GZMA: variants seen among roughly 807,000 people sequenced by gnomAD.
The protein encoded by GZMA is CTL tryptase.
Under a neutral mutation model 21.1 loss-of-function variants are expected in GZMA, and 17 were observed. That is an observed-to-expected ratio of 0.81 (90% CI 0.55 to 1.21). The LOEUF (loss-of-function observed/expected upper bound fraction) is 1.21, where lower values mean the gene tolerates loss of function less well. GZMA is among the 50% of genes most tolerant of loss of function. GZMA has a pLI of 0.00. For synonymous variants in GZMA, 90 were observed against 107.8 expected, an observed-to-expected ratio of 0.83 and a Z score of 1.03; for missense variants, 306 against 315.9, an observed-to-expected ratio of 0.97 and a Z score of 0.24.
rs374808018 is a variant in GZMA at position 55,110,096 on chromosome 5, G to A, written c.703G>A (p.Gly235Arg). 1.1e-5 allele frequency: 18 copies of A among 1,611,842 alleles called. No homozygotes were observed. The highest frequency in any genetic ancestry group is 9.4e-5 in the African/African-American group (7 of 74,750). ...VTSFGLENKC[G>R]DPRGPGVYIL... is the part of the protein sequence containing the mutation. ...TTCCTTTGGCCTTGAAAATAAATGC[G>A]GAGACCCTCGTGGGCCTGGTGTCTA... Residue 235 changes from glycine to arginine, a missense_variant, in exon 5 of 5, where the codon GGA (glycine) becomes AGA (arginine). Transcript: ENST00000274306.
At chr5:55,105,282 G>A (rs919409440) in intron 1 of GZMA, among the ~76,000 whole-genome samples, 192 bp from the exon 2 acceptor site, 15 of 152,200 alleles carry the variant, frequency 9.9e-5, no homozygotes, top group Non-Finnish European at 2.2e-4. Context: ...GGAAAAACAG[G>A]ACCCTAGAGT....
intron 1 of GZMA, among the ~76,000 whole-genome samples, chr5:55,103,789 C>A (rs546396178): frequency 7.1e-4 from 108 of 152,162 alleles, no homozygotes; most frequent in African/African-American, 2.4e-3. Flanking sequence ...GGGTGTTTCA[C>A]AAGGTCAAGA....
At chr5:55,103,897 G>A (rs200806032) in intron 1 of GZMA, among the ~76,000 whole-genome samples, 5 of 151,870 alleles carry the variant, frequency 3.3e-5, no homozygotes, top group Admixed American at 6.6e-5. Flanking sequence ...TCCCAGCTAC[G>A]CAGGAGGCTG....
intron 4 of GZMA, among the ~76,000 whole-genome samples, chr5:55,109,811 G>A (rs1033003180): frequency 2.0e-4 from 31 of 152,168 alleles, no homozygotes; most frequent in Admixed American, 1.6e-3. Flanking sequence ...GTTTCACTTC[G>A]ATTTTCACTG....
intron 1 of GZMA, 69 bp downstream of exon 1, chr5:55,102,821 T>C: frequency 1.0e-6 from 1 of 966,714 alleles, no homozygotes; most frequent in Non-Finnish European, 1.7e-6. Context: ...AATGAACTTT[T>C]GGCAATATTA....
At chr5:55,103,197 T>C (rs1742333380) in intron 1 of GZMA, among the ~76,000 whole-genome samples, 1 of 152,150 alleles carries the variant, frequency 6.6e-6, no homozygotes, top group African/African-American at 2.4e-5. Context: ...GTAAAACAAA[T>C]AGTACCTTCC....
chr5:55,106,663 C>T (rs776993075), intron 2 of GZMA, among the ~76,000 whole-genome samples: 3 of 152,182 alleles, frequency 2.0e-5, no homozygotes, highest in Admixed American at 6.5e-5. Context: ...TGTCCAATGA[C>T]CTTCTTGTAT....
At position 55,102,656 on chromosome 5, in the gene GZMA, G is replaced by T; in HGVS notation, c.-27G>T. 1.4e-6 allele frequency: 2 copies of T among 1,459,088 alleles called. No homozygotes were observed. The highest frequency in any genetic ancestry group is 9.6e-7 in the Non-Finnish European group (1 of 1,038,804). 90.4% of individuals were successfully genotyped at this position (1,459,088 alleles called of 1,614,324 possible). A position where few individuals can be genotyped will look rare whatever the true frequency, so the allele number is the denominator to read the frequency against. On this transcript the variant is annotated 5_prime_UTR_variant, in exon 1 of 5. Transcript: ENST00000274306. ...TTAAGAACTGAAAACAGATTTTCAG[G>T]TTGATTGATGTGGGACAGCAGCCAC...
chr5:55,106,177 T>A (rs866899218), intron 2 of GZMA, among the ~76,000 whole-genome samples: 32 of 428 alleles, frequency 0.075, 7 homozygotes, highest in South Asian at 0.5. Context: ...TAAAATAAAA[T>A]AAAAAAATAA....
At chr5:55,104,716 C>T (rs116045062) in intron 1 of GZMA, among the ~76,000 whole-genome samples, 2,608 of 152,242 alleles carry the variant, frequency 0.017, 88 homozygotes, top group African/African-American at 0.06. Context: ...TATGGTTTGC[C>T]TTGTGTTTAG....
intron 2 of GZMA, among the ~76,000 whole-genome samples, chr5:55,107,200 T>C (rs542612539): frequency 1.6e-4 from 25 of 152,254 alleles, no homozygotes; most frequent in African/African-American, 5.3e-4. Context: ...TTGATTTTGA[T>C]AACCAAAATG....
intron 2 of GZMA, among the ~76,000 whole-genome samples, chr5:55,106,827 T>A (rs1015045025): frequency 1.3e-5 from 2 of 152,164 alleles, no homozygotes; most frequent in African/African-American, 4.8e-5. Flanking sequence ...TACATGTAGC[T>A]ATGTAAATTT....
chr5:55,102,723 T>C lies in GZMA; in HGVS notation c.41T>C (p.Val14Ala), dbSNP rs552681513. The C allele has an allele frequency of 1.6e-5, 25 of 1,609,926 alleles. No individual in the cohort carries two copies. The African/African-American group carries it at 2.5e-4, about 16-fold the overall frequency. The change falls in exon 1 of 5, where the codon GTT becomes GCT. Residue 14 changes from valine (V) to alanine (A), a missense_variant. Physicochemically the swap from Val to Ala is moderately conservative, Grantham distance 64. Coordinates refer to ENST00000274306, the MANE Select transcript of GZMA (RefSeq NM_006144.4). Reference protein sequence around the residue: ...SYRFLASSLSVVVSLLLIPED... With the variant: ...SYRFLASSLSAVVSLLLIPED... ...AGATTTCTGGCATCCTCTCTCTCAG[T>C]TGTCGTTTCTCTCCTGCTAATTCCT...
intron 4 of GZMA, among the ~76,000 whole-genome samples, chr5:55,108,711 C>A (rs1051435034): frequency 6.6e-6 from 1 of 152,150 alleles, no homozygotes; most frequent in Non-Finnish European, 1.5e-5. Context: ...TGAAGATATA[C>A]AACACTTATG....
At chr5:55,106,325 TAAAATAAAATAAATAAAATAAAATA>T (rs1742417008) in intron 2 of GZMA, among the ~76,000 whole-genome samples, 2 of 143,798 alleles carry the variant, frequency 1.4e-5, no homozygotes, top group African/African-American at 5.3e-5. Context: ...AAATATAAAA[TAAAATAAAATAAATAAAATAAAATA>T]AAGTAGATCC....
Position 55,108,416 on chromosome 5 carries a change from G to A in GZMA, c.627+22G>A, listed in dbSNP as rs374209345. 1.3e-4 allele frequency: 212 copies of A among 1,588,150 alleles called. 2 individuals are homozygous for A. In the South Asian group the frequency reaches 1.4e-3, roughly 10 times the overall value. On this transcript the variant is annotated intron_variant, in intron 4 of 4. Coordinates refer to ENST00000274306, the MANE Select transcript of GZMA (RefSeq NM_006144.4). ...CAATGTAAGTAAAATAAGATCCCACGTTTCAGCTATTGAATTAAGTCATGC... is the reference window on the plus strand; with the variant it reads ...CAATGTAAGTAAAATAAGATCCCACATTTCAGCTATTGAATTAAGTCATGC...
intron 4 of GZMA, 34 bp downstream of exon 4, chr5:55,108,428 G>A (rs1742451884): frequency 6.4e-7 from 1 of 1,559,790 alleles, no homozygotes. Flanking sequence ...TTCAGCTATT[G>A]AATTAAGTCA....
rs534518080 is a variant in GZMA, at chr5:55,104,745, A to G, written c.71-729A>G. Reference sequence around the variant, plus strand: ...TGTTTAGTTCTCACTGTTCCTTAACAATGGGTCTCTACTTCAAGACTATCA... The same window carrying G: ...TGTTTAGTTCTCACTGTTCCTTAACGATGGGTCTCTACTTCAAGACTATCA... On this transcript the variant is annotated intron_variant, in intron 1 of 4. Transcript: ENST00000274306. Among the ~76,000 whole-genome samples, 358 of 152,306 alleles carry G rather than the reference A, an allele frequency of 2.4e-3. 2 individuals carry two copies. Among genetic ancestry groups the G allele is most frequent in the African/African-American group, 7.9e-3 (330 of 41,576 alleles).
rs74570277 is a variant in GZMA, at chr5:55,102,988, C to T, written c.70+236C>T. Among the ~76,000 whole-genome samples the T allele has an allele frequency of 5.1e-3, 781 of 151,804 alleles. 1 individual carries two copies. Among genetic ancestry groups the T allele is most frequent in the Non-Finnish European group, 7.2e-3 (492 of 67,922 alleles). Reference sequence around the variant, plus strand: ...TCCAGGCTGGGCGACATAGTGAGACCCTGTCTCTATTTTTTTTTTTTAAAT... The same window carrying T: ...TCCAGGCTGGGCGACATAGTGAGACTCTGTCTCTATTTTTTTTTTTTAAAT... On this transcript the variant is annotated intron_variant, in intron 1 of 4. Coordinates refer to ENST00000274306, the MANE Select transcript of GZMA (RefSeq NM_006144.4).
Sources: allele counts gnomAD v4.1 joint callset (sites outside exome capture counted in the v4.1 genomes callset), GRCh38; gene constraint gnomAD v4.1.1; transcripts MANE v1.5; gene names NCBI Gene and HGNC (gene_info 2026-07-23, HGNC 2026-07-21).